APC2: variants seen among roughly 807,000 people sequenced by gnomAD.
APC2 encodes the protein APC regulator of Wnt signaling pathway 2, also known as adenomatous polyposis coli protein 2.
A neutral mutation model predicts 72.5 loss-of-function variants in APC2; 41 were observed. The ratio of observed to expected loss-of-function variants is 0.57; its 90% CI spans 0.44 to 0.73. APC2 has a LOEUF of 0.73. Ranked by LOEUF, APC2 falls within the 30% of genes least tolerant of loss-of-function variation. The probability of loss-of-function intolerance (pLI) is 0.00; values close to 1 mark genes in which losing one functional copy is unlikely to be tolerated. For synonymous variants in APC2, 1,898 were observed against 1,612.0 expected, an observed-to-expected ratio of 1.18 and a Z score of -4.25; for missense variants, 3,729 against 3,403.4, an observed-to-expected ratio of 1.10 and a Z score of -2.38.
intron 4 of APC2, 33 bp from the exon 5 acceptor site, chr19:1,455,116 C>A: frequency 6.8e-7 from 1 of 1,465,296 alleles, no homozygotes; most frequent in Non-Finnish European, 9.2e-7. Context: ...CGGCGCCGCC[C>A]TCTGAGCCCG....
chr19:1,461,872 A>C (rs1245001800), intron 13 of APC2, 91 bp from the exon 14 acceptor site: 3 of 1,187,648 alleles, frequency 2.5e-6, no homozygotes, highest in African/African-American at 1.6e-5. Flanking sequence ...AACAAAAAAC[A>C]AAAAAACCCA....
chr19:1,451,870 T>G (rs2083746934), intron 1 of APC2: 1 of 144,482 alleles, frequency 6.9e-6, no homozygotes. Context: ...TGGTGACATT[T>G]GGGTGGGAGG....
chr19:1,465,521 G>T lies in APC2; in HGVS notation c.2220G>T (p.Glu740Asp), dbSNP rs1304203963. The part of the protein sequence containing the change: ...LDARHLAQAL[E>D]HLEKQGPPAA... ...CACGGCACCTCGCGCAGGCGCTGGAGCACCTGGAGAAGCAGGGCCCGCCGG... is the reference window on the plus strand; with the variant it reads ...CACGGCACCTCGCGCAGGCGCTGGATCACCTGGAGAAGCAGGGCCCGCCGG... The change falls in exon 15 of 15, where the codon GAG (glutamate) becomes GAT (aspartate). Residue 740 changes from glutamate to aspartate, a missense_variant. Coordinates refer to ENST00000590469, the MANE Select transcript of APC2 (RefSeq NM_005883.3). 1 of 1,527,246 alleles carries T rather than the reference G, an allele frequency of 6.5e-7. No homozygotes were observed. Among genetic ancestry groups the T allele is most frequent in the Non-Finnish European group, 8.8e-7 (1 of 1,139,150 alleles). 94.6% of individuals were successfully genotyped at this position (1,527,246 alleles called of 1,614,324 possible). A position where few individuals can be genotyped will look rare whatever the true frequency, so the allele number is the denominator to read the frequency against.
intron 9 of APC2, 67 bp from the exon 10 acceptor site, chr19:1,457,898 G>GGGGGGGGGA (rs1555675929): frequency 2.6e-4 from 369 of 1,432,176 alleles, no homozygotes; most frequent in Non-Finnish European, 3.0e-4. Context: ...CGGGTTGCGG[G>GGGGGGGGGA]ACCTTCGGGA....
rs35774440 is a variant in APC2 at position 1,454,986 on chromosome 19, A to ACC, written c.414-153_414-152dup. On this transcript the variant is annotated intron_variant, in intron 4 of 14. Coordinates refer to ENST00000590469, the MANE Select transcript of APC2 (RefSeq NM_005883.3). Reference sequence around the variant, plus strand: ...CATCCCCCAGTTAATTTCAATACCCACCCCCCCCCCCTTACCCTAGCTCGG... The same window carrying ACC: ...CATCCCCCAGTTAATTTCAATACCCACCCCCCCCCCCCCTTACCCTAGCTCGG... Among the ~76,000 whole-genome samples the ACC allele has an allele frequency of 9.0e-4, 99 of 110,614 alleles. 1 individual carries two copies. Among genetic ancestry groups the ACC allele is most frequent in the South Asian group, 6.6e-3 (18 of 2,738 alleles). 72.6% of individuals were successfully genotyped at this position (110,614 alleles called of 152,430 possible).
Position 1,469,940 on chromosome 19 carries a change from G to A in APC2, c.6639G>A (p.Glu2213=). ...SSTSPSLETR[E]PPGAPAGGQL... is the part of the protein sequence containing the mutation. ...CGTCCCCGAGCCTGGAGACCAGGGA[G>A]CCCCCCGGGGCCCCCGCCGGCGGCC... Residue 2213 remains glutamate, a synonymous_variant, in exon 15 of 15, where the codon GAG becomes GAA. Coordinates refer to ENST00000590469, the MANE Select transcript of APC2 (RefSeq NM_005883.3). 3 of 1,509,356 alleles carry A rather than the reference G, an allele frequency of 2.0e-6. No individual in the cohort carries two copies. Among genetic ancestry groups the A allele is most frequent in the South Asian group, 1.2e-5 (1 of 81,264 alleles). 93.5% of individuals were successfully genotyped at this position (1,509,356 alleles called of 1,614,324 possible). A position where few individuals can be genotyped will look rare whatever the true frequency, so the allele number is the denominator to read the frequency against.
chr19:1,459,381 G>T (rs2083889177), intron 10 of APC2, among the ~76,000 whole-genome samples: 1 of 152,198 alleles, frequency 6.6e-6, no homozygotes, highest in Non-Finnish European at 1.5e-5. Flanking sequence ...CCAAAGCCTG[G>T]CTCCCTTCTG....
Position 1,456,879 on chromosome 19 carries a change from C to T in APC2, c.843C>T (p.Ser281=). ...SKVEVVFWLL[S]MLATRDQEDT... is the part of the protein sequence containing the mutation. ...TGGAGGTGGTCTTCTGGCTGTTGTCCATGTTGGCGACGCGCGACCAGGAGG... is the reference window on the plus strand; with the variant it reads ...TGGAGGTGGTCTTCTGGCTGTTGTCTATGTTGGCGACGCGCGACCAGGAGG... Residue 281 remains serine (S), a synonymous_variant, in exon 9 of 15, where the codon TCC becomes TCT. Transcript: ENST00000590469. 1 of 1,594,824 alleles carries T rather than the reference C, an allele frequency of 6.3e-7. No homozygotes were observed. The highest frequency in any genetic ancestry group is 1.1e-5 in the South Asian group (1 of 89,676).
Position 1,469,198 on chromosome 19 carries a change from G to A in APC2, c.5897G>A (p.Arg1966His). ...GGGACCGAGGCGGGCCCGGGGGCGC[G>A]CGGGGGCCGCCTGGGCCTGGTGCGT... is the stretch of plus-strand genomic sequence containing the variant. ...RAGTEAGPGA[R>H]GGRLGLVRVA... Residue 1966 changes from arginine to histidine, a missense_variant, in exon 15 of 15, where the codon CGC becomes CAC. By Grantham distance (29) the Arg-to-His change is conservative (BLOSUM62 0). Coordinates refer to ENST00000590469, the MANE Select transcript of APC2 (RefSeq NM_005883.3). 15 of 1,308,462 alleles carry A rather than the reference G, an allele frequency of 1.1e-5. No individual in the cohort carries two copies. Among genetic ancestry groups the A allele is most frequent in the Non-Finnish European group, 1.4e-5 (14 of 1,027,114 alleles). The allele number at this position is 1,308,462 out of a possible 1,614,324, so 81.1% of individuals were successfully genotyped here. A position where few individuals can be genotyped will look rare whatever the true frequency, so the allele number is the denominator to read the frequency against.
chr19:1,455,502 TGCGGCGGTGGGCGGGGTGGC>T lies in APC2; in HGVS notation c.639+11_639+30del. 1 of 1,598,384 alleles carries T rather than the reference TGCGGCGGTGGGCGGGGTGGC, an allele frequency of 6.3e-7. No homozygotes were observed. The highest frequency in any genetic ancestry group is 8.5e-7 in the Non-Finnish European group (1 of 1,172,698). ...GACGAGATGGTGCAGCGGGCACAGG[TGCGGCGGTGGGCGGGGTGGC>T]GCGGCGGTAGGCGGGGCCCTGCGCC... On this transcript the variant is annotated splice_donor_5th_base_variant and intron_variant, in intron 6 of 14. Coordinates refer to ENST00000590469, the MANE Select transcript of APC2 (RefSeq NM_005883.3).
Position 1,466,798 on chromosome 19 carries a change from G to C in APC2, c.3497G>C (p.Ser1166Thr). 2 of 1,551,186 alleles carry C rather than the reference G, an allele frequency of 1.3e-6. No individual in the cohort carries two copies. Among genetic ancestry groups the C allele is most frequent in the Non-Finnish European group, 1.7e-6 (2 of 1,148,404 alleles). ...PLVLSRCSSV[S>T]SLGSFESPSI... is the part of the protein sequence containing the mutation. ...GTGCTGAGCCGCTGCAGCTCTGTGA[G>C]CTCGCTGGGCAGCTTCGAGAGCCCG... Residue 1166 changes from serine (S) to threonine (T), a missense_variant, in exon 15 of 15, where the codon AGC becomes ACC. Ser to Thr is a moderately conservative substitution (Grantham distance 58, BLOSUM62 1). Coordinates refer to ENST00000590469, the MANE Select transcript of APC2 (RefSeq NM_005883.3).
chr19:1,461,558 A>T, intron 13 of APC2: 1 of 310,948 alleles, frequency 3.2e-6, no homozygotes, highest in South Asian at 4.1e-5. Context: ...GTCTCAAAAA[A>T]ACAACCTCAC....
chr19:1,459,844 TC>T (rs1287811546), intron 10 of APC2, among the ~76,000 whole-genome samples: 1 of 152,098 alleles, frequency 6.6e-6, no homozygotes, highest in Non-Finnish European at 1.5e-5. Flanking sequence ...CAGGGGGCCT[TC>T]CCCGAGGCAC....
At position 1,453,604 on chromosome 19, in the gene APC2, C is replaced by T. The variant is rs755140443; in HGVS notation, c.406C>T (p.Arg136Trp). ...ATIRLLEELD[R>W]ERCFLLNEIE... ...CATCCGGCTGCTGGAGGAACTGGAC[C>T]GGGAACGGTGAGTGGGCGTGGGAAC... Residue 136 changes from arginine to tryptophan, a missense_variant, in exon 4 of 15, where the codon CGG becomes TGG. Physicochemically the swap from Arg to Trp is moderately radical, Grantham distance 101 (BLOSUM62 -3). Transcript: ENST00000590469. 16 of 1,599,498 alleles carry T rather than the reference C, an allele frequency of 1.0e-5. No individual in the cohort carries two copies. Among genetic ancestry groups the T allele is most frequent in the South Asian group, 6.7e-5 (6 of 89,836 alleles).
chr19:1,456,230 C>T, intron 7 of APC2, 76 bp from the exon 8 acceptor site: 1 of 1,552,618 alleles, frequency 6.4e-7, no homozygotes. Flanking sequence ...TTCTGCCCGC[C>T]CCCGCCCACA....
Position 1,469,320 on chromosome 19 carries a change from C to G in APC2, c.6019C>G (p.Arg2007Gly), listed in dbSNP as rs1450767374. 7.1e-7 allele frequency: 1 copy of G among 1,412,458 alleles called. No homozygotes were observed. The highest frequency in any genetic ancestry group is 9.3e-7 in the Non-Finnish European group (1 of 1,079,816). 87.5% of individuals were successfully genotyped at this position (1,412,458 alleles called of 1,614,324 possible). A position where few individuals can be genotyped will look rare whatever the true frequency, so the allele number is the denominator to read the frequency against. Reference protein sequence around the residue: ...FIKESPGLRRRRSELSSAESA... With the variant: ...FIKESPGLRRGRSELSSAESA... ...CAAGGAGTCGCCGGGCTTGCGGCGC[C>G]GCCGCTCCGAGCTGTCCTCGGCCGA... The change falls in exon 15 of 15, where the codon CGC becomes GGC. Residue 2007 changes from arginine (R) to glycine (G), a missense_variant. Arg to Gly is a moderately radical substitution (Grantham distance 125). Coordinates refer to ENST00000590469, the MANE Select transcript of APC2 (RefSeq NM_005883.3).
rs573693509 is a variant in APC2, at chr19:1,452,530, G to A, written c.-18-454G>A. On this transcript the variant is annotated intron_variant, in intron 1 of 14. Coordinates refer to ENST00000590469, the MANE Select transcript of APC2 (RefSeq NM_005883.3). The surrounding 1 kb of genome is among the most constrained non-coding windows in gnomAD (Gnocchi z 5.1). Reference sequence around the variant, plus strand: ...AGCCTCTGGGCAGGCTTGCTTTTATGGGGGAGGGTCCTGTCTGTCTGTCTG... The same window carrying A: ...AGCCTCTGGGCAGGCTTGCTTTTATAGGGGAGGGTCCTGTCTGTCTGTCTG... 6.4e-5 allele frequency: 11 copies of A among 170,582 alleles called. No homozygotes were observed. The highest frequency in any genetic ancestry group is 1.1e-4 in the Non-Finnish European group (9 of 79,112). The allele number at this position is 170,582 out of a possible 1,614,324, so 10.6% of individuals were successfully genotyped here.
At position 1,468,861 on chromosome 19, in the gene APC2, A is replaced by C. The variant is rs2084077299; in HGVS notation, c.5560A>C (p.Thr1854Pro). 1.3e-6 allele frequency: 2 copies of C among 1,544,242 alleles called. No individual in the cohort carries two copies. The highest frequency in any genetic ancestry group is 8.7e-7 in the Non-Finnish European group (1 of 1,152,600). ...HRPAKTSELA[T>P]LSQPPRSATP... ...GCCTGCCAAGACCTCGGAGCTGGCG[A>C]CGCTGAGCCAGCCCCCCAGAAGCGC... Residue 1854 changes from threonine (T) to proline (P), a missense_variant, in exon 15 of 15, where the codon ACG becomes CCG. Thr to Pro is a conservative substitution (Grantham distance 38). Transcript: ENST00000590469.
Position 1,460,241 on chromosome 19 carries a change from G to T in APC2, c.1364G>T (p.Arg455Leu). Residue 455 changes from arginine (R) to leucine (L), a missense_variant, in exon 11 of 15, where the codon CGG (arginine) becomes CTG (leucine). Coordinates refer to ENST00000590469, the MANE Select transcript of APC2 (RefSeq NM_005883.3). ...QVDYEMHKMTRDPLNLALRRY... is the reference protein window; with the variant it reads ...QVDYEMHKMTLDPLNLALRRY... The stretch of plus-strand genomic sequence containing the variant: ...GACTATGAGATGCACAAGATGACCC[G>T]GGACCCGCTGAACCTGGCGCTGCGC... The T allele has an allele frequency of 1.2e-6, 2 of 1,613,550 alleles. No individual in the cohort carries two copies. Among genetic ancestry groups the T allele is most frequent in the Non-Finnish European group, 1.7e-6 (2 of 1,180,008 alleles).
Sources: allele counts gnomAD v4.1 joint callset (sites outside exome capture counted in the v4.1 genomes callset), GRCh38; gene constraint gnomAD v4.1.1; non-coding constraint Gnocchi (gnomAD v3.1); transcripts MANE v1.5; gene names NCBI Gene and HGNC (gene_info 2026-07-23, HGNC 2026-07-21).